The following TENM3 variants were observed in gnomAD, a reference collection of about 807,000 sequenced individuals.
The protein encoded by TENM3 is teneurin transmembrane protein 3.
Under a neutral mutation model 255.1 loss-of-function variants are expected in TENM3, and 63 were observed. That is an observed-to-expected ratio of 0.25 (90% CI 0.20 to 0.30). TENM3 has a LOEUF of 0.30. Ranked by LOEUF, TENM3 falls within the 10% of genes least tolerant of loss-of-function variation. The pLI is 1.00. For missense variants in TENM3, 2,929 were observed against 3,461.1 expected, an observed-to-expected ratio of 0.85 and a Z score of 3.86; for synonymous variants, 1,306 against 1,322.3, an observed-to-expected ratio of 0.99 and a Z score of 0.27.
At chr4:181,935,349 T>C in the TENM3 span, among the ~76,000 whole-genome samples, 2 of 152,240 alleles carry the variant, frequency 1.3e-5, no homozygotes, top group African/African-American at 4.8e-5. Flanking sequence ...CATCTCCACC[T>C]TAAGCTCTGA....
chr4:182,447,763 TG>T (rs1773047860), intron 3 of TENM3, among the ~76,000 whole-genome samples: 1 of 152,120 alleles, frequency 6.6e-6, no homozygotes, highest in Admixed American at 6.5e-5. Flanking sequence ...TTTATAAAAA[TG>T]AGAGGTTTGG....
chr4:181,826,257 T>TA, the TENM3 span, among the ~76,000 whole-genome samples: 76 of 150,948 alleles, frequency 5.0e-4, 1 homozygote, highest in South Asian at 7.7e-3. Flanking sequence ...ATTTGATAAC[T>TA]AAAAAAAAAT....
chr4:182,261,166 G>C (rs1034184599), intron 1 of TENM3, among the ~76,000 whole-genome samples: 3 of 152,134 alleles, frequency 2.0e-5, no homozygotes, highest in African/African-American at 4.8e-5. Flanking sequence ...GAGCCACCGC[G>C]CCTGGCCTAA....
intron 3 of TENM3, among the ~76,000 whole-genome samples, chr4:182,442,162 A>T: frequency 6.6e-6 from 1 of 152,216 alleles, no homozygotes; most frequent in East Asian, 1.9e-4. Context: ...ATGATGCATA[A>T]ATATATGTGC....
the TENM3 span, among the ~76,000 whole-genome samples, chr4:181,823,593 T>C: frequency 6.6e-6 from 1 of 152,284 alleles, no homozygotes; most frequent in South Asian, 2.1e-4. Context: ...TTAAATAATT[T>C]ATATATGACT....
At chr4:181,605,642 C>T in the TENM3 span, among the ~76,000 whole-genome samples, 4 of 151,886 alleles carry the variant, frequency 2.6e-5, no homozygotes, top group South Asian at 4.2e-4. Context: ...ACCAGCACCA[C>T]ATATGACATT....
chr4:181,853,087 G>A, the TENM3 span, among the ~76,000 whole-genome samples: 1 of 152,046 alleles, frequency 6.6e-6, no homozygotes, highest in East Asian at 1.9e-4. Flanking sequence ...AAACAAATAG[G>A]CATTTGTAGA....
chr4:181,917,359 G>A, the TENM3 span, among the ~76,000 whole-genome samples: 3 of 152,212 alleles, frequency 2.0e-5, no homozygotes, highest in Non-Finnish European at 4.4e-5. Context: ...CACATAACAT[G>A]TATTAATTTT....
At chr4:182,050,665 A>G in the TENM3 span, among the ~76,000 whole-genome samples, 1 of 152,098 alleles carries the variant, frequency 6.6e-6, no homozygotes, top group South Asian at 2.1e-4. Flanking sequence ...CTAGCCAGGC[A>G]TGGCGGTGCA....
chr4:182,762,407 T>TAA (rs759212105), intron 22 of TENM3, among the ~76,000 whole-genome samples: 1 of 151,726 alleles, frequency 6.6e-6, no homozygotes, highest in Non-Finnish European at 1.5e-5. Flanking sequence ...ATATTTACCC[T>TAA]AACACTAAGC....
chr4:182,537,343 A>G (rs1740435463), intron 3 of TENM3, among the ~76,000 whole-genome samples: 1 of 152,104 alleles, frequency 6.6e-6, no homozygotes, highest in East Asian at 1.9e-4. Flanking sequence ...TATAAATATC[A>G]TTGCCGTCTC....
At chr4:182,675,725 T>C (rs1007382399) in intron 7 of TENM3, among the ~76,000 whole-genome samples, 1 of 152,222 alleles carries the variant, frequency 6.6e-6, no homozygotes, top group Non-Finnish European at 1.5e-5. Flanking sequence ...AGCACAATAG[T>C]AAACATGTAA....
chr4:182,637,294 A>G (rs537174452), intron 5 of TENM3, among the ~76,000 whole-genome samples: 5 of 152,358 alleles, frequency 3.3e-5, no homozygotes, highest in African/African-American at 9.6e-5. Context: ...AAATTTGTAT[A>G]GAGTTTGTTG....
chr4:181,716,427 G>A, the TENM3 span, among the ~76,000 whole-genome samples: 42 of 152,262 alleles, frequency 2.8e-4, no homozygotes, highest in African/African-American at 9.6e-4. Flanking sequence ...TTTTACACAT[G>A]TAGTACCTAC....
chr4:181,580,382 A>T, the TENM3 span, among the ~76,000 whole-genome samples: 64 of 152,172 alleles, frequency 4.2e-4, 1 homozygote, highest in Non-Finnish European at 7.3e-5. Flanking sequence ...GATCTTCTCC[A>T]TCTGCCACCC....
chr4:182,003,893 T>A, the TENM3 span, among the ~76,000 whole-genome samples: 1 of 152,148 alleles, frequency 6.6e-6, no homozygotes, highest in Non-Finnish European at 1.5e-5. Context: ...TATAATTTTA[T>A]TTAGCTAATT....
At chr4:182,689,742 T>G (rs1225168357) in intron 12 of TENM3, among the ~76,000 whole-genome samples, 1 of 152,216 alleles carries the variant, frequency 6.6e-6, no homozygotes, top group Non-Finnish European at 1.5e-5. Context: ...TGTTCGAGAC[T>G]TAGAGCAAAC....
intron 4 of TENM3, among the ~76,000 whole-genome samples, chr4:182,627,959 T>C (rs1167923331): frequency 3.9e-5 from 6 of 152,134 alleles, no homozygotes; most frequent in African/African-American, 1.4e-4. Context: ...TTCATTTATT[T>C]AGGTTTGGTG....
chr4:182,750,488 A>C (rs1033379705), intron 19 of TENM3, among the ~76,000 whole-genome samples: 3 of 152,068 alleles, frequency 2.0e-5, no homozygotes, highest in African/African-American at 2.4e-5. Flanking sequence ...TAAGAATAGA[A>C]TCTCTTACAG....
Sources: gnomAD v4.1 joint callset for allele counts (sites outside exome capture counted in the v4.1 genomes callset) on GRCh38, gnomAD v4.1.1 for gene constraint, MANE v1.5 for transcripts, NCBI Gene and HGNC (gene_info 2026-07-23, HGNC 2026-07-21) for gene names.